KHDRBS2: variants seen among roughly 807,000 people sequenced by gnomAD.
KHDRBS2 encodes KH RNA binding domain containing, signal transduction associated 2.
In KHDRBS2, 26 loss-of-function variants were observed where a neutral mutation model predicts 44.3. The ratio of observed to expected loss-of-function variants is 0.59; its 90% confidence interval spans 0.43 to 0.81. KHDRBS2 has a LOEUF of 0.81. Among genes scored for constraint, KHDRBS2 ranks in the 40% least tolerant of loss-of-function variants. The probability of loss-of-function intolerance (pLI) is 0.00; values close to 1 mark genes in which losing one functional copy is unlikely to be tolerated. For synonymous variants in KHDRBS2, 194 were observed against 151.1 expected, an observed-to-expected ratio of 1.28 and a Z score of -2.08; for missense variants, 476 against 433.1, an observed-to-expected ratio of 1.10 and a Z score of -0.88.
intron 6 of KHDRBS2, among the ~76,000 whole-genome samples, chr6:61,815,697 T>G (rs1211898938): frequency 6.6e-6 from 1 of 152,164 alleles, no homozygotes; most frequent in African/African-American, 2.4e-5. Flanking sequence ...AATATTTTTG[T>G]CCTTGCTTTT....
intron 3 of KHDRBS2, among the ~76,000 whole-genome samples, chr6:62,034,140 CCAA>C (rs1259198594): frequency 2.0e-5 from 3 of 151,718 alleles, no homozygotes; most frequent in East Asian, 1.9e-4. Context: ...CCTAAAAAGA[CCAA>C]CAACAAGTAA....
chr6:61,552,994 G>A, the KHDRBS2 span, among the ~76,000 whole-genome samples: 1 of 152,092 alleles, frequency 6.6e-6, no homozygotes, highest in Non-Finnish European at 1.5e-5. Flanking sequence ...CAGGGTTTTG[G>A]TATCAGGATG....
intron 3 of KHDRBS2, among the ~76,000 whole-genome samples, chr6:62,001,105 C>A (rs765207421): frequency 6.6e-6 from 1 of 152,114 alleles, no homozygotes; most frequent in South Asian, 2.1e-4. Context: ...TAGCTTCTTA[C>A]GTTCTGGTCA....
chr6:61,640,577 C>T, the KHDRBS2 span, among the ~76,000 whole-genome samples: 1 of 152,038 alleles, frequency 6.6e-6, no homozygotes, highest in African/African-American at 2.4e-5. Flanking sequence ...TCTCTAAGGA[C>T]CCATCATTGT....
intron 6 of KHDRBS2, among the ~76,000 whole-genome samples, chr6:61,775,125 A>T (rs887783137): frequency 6.6e-6 from 1 of 152,174 alleles, no homozygotes; most frequent in Non-Finnish European, 1.5e-5. Flanking sequence ...TAAATTAGGT[A>T]TGGATGGGAT....
intron 4 of KHDRBS2, among the ~76,000 whole-genome samples, chr6:61,974,909 C>T (rs558238216): frequency 2.1e-4 from 32 of 149,676 alleles, no homozygotes; most frequent in East Asian, 1.6e-3. Flanking sequence ...CCAGCCTGGG[C>T]GACATAGCAA....
At chr6:62,071,245 T>C (rs1051783365) in intron 2 of KHDRBS2, among the ~76,000 whole-genome samples, 1 of 152,188 alleles carries the variant, frequency 6.6e-6, no homozygotes, top group African/African-American at 2.4e-5. Context: ...TATTAGCCCT[T>C]TGTCAGATGA....
chr6:61,749,089 T>C (rs1777281119), intron 6 of KHDRBS2, among the ~76,000 whole-genome samples: 1 of 142,876 alleles, frequency 7.0e-6, no homozygotes, highest in South Asian at 2.3e-4. Context: ...CTCGGCTCAC[T>C]GCAAACTCCG....
chr6:61,551,351 CA>C, the KHDRBS2 span, among the ~76,000 whole-genome samples: 1 of 152,086 alleles, frequency 6.6e-6, no homozygotes, highest in Non-Finnish European at 1.5e-5. Context: ...TTCTGCTGTA[CA>C]GAAGCTCTTT....
At chr6:61,707,831 T>C (rs1035078745) in intron 7 of KHDRBS2, among the ~76,000 whole-genome samples, 1 of 151,676 alleles carries the variant, frequency 6.6e-6, no homozygotes, top group Non-Finnish European at 1.5e-5. Context: ...GTATGATACA[T>C]CCAGTCATAA....
intron 4 of KHDRBS2, among the ~76,000 whole-genome samples, chr6:61,906,544 C>A (rs1413865040): frequency 6.6e-6 from 1 of 152,230 alleles, no homozygotes; most frequent in East Asian, 1.9e-4. Flanking sequence ...ACTTCCCCCC[C>A]TCCTTCCCAC....
At chr6:61,545,862 AG>A in the KHDRBS2 span, among the ~76,000 whole-genome samples, 1 of 152,060 alleles carries the variant, frequency 6.6e-6, no homozygotes, top group East Asian at 1.9e-4. Flanking sequence ...GCCTGCACCA[AG>A]GAAAAGCCAG....
At chr6:61,627,896 C>CA in the KHDRBS2 span, among the ~76,000 whole-genome samples, 1 of 152,196 alleles carries the variant, frequency 6.6e-6, no homozygotes, top group African/African-American at 2.4e-5. Flanking sequence ...GTGAGAACCT[C>CA]AAAAAACATA....
intron 2 of KHDRBS2, among the ~76,000 whole-genome samples, chr6:62,065,531 G>A (rs920254638): frequency 6.7e-6 from 1 of 148,804 alleles, no homozygotes; most frequent in Non-Finnish European, 1.5e-5. Context: ...ACTATCGCAA[G>A]AACAAAAAAC....
chr6:62,115,712 A>G (rs1243774225), intron 2 of KHDRBS2, among the ~76,000 whole-genome samples: 1 of 152,176 alleles, frequency 6.6e-6, no homozygotes, highest in Non-Finnish European at 1.5e-5. Context: ...TAATTAACAG[A>G]GATCAAATTT....
intron 4 of KHDRBS2, among the ~76,000 whole-genome samples, chr6:61,976,258 G>A (rs982316145): frequency 6.6e-6 from 1 of 152,106 alleles, no homozygotes; most frequent in African/African-American, 2.4e-5. Context: ...TATTGTGCTA[G>A]GCATGATGCT....
chr6:62,116,714 C>G (rs751214313), intron 2 of KHDRBS2, among the ~76,000 whole-genome samples: 2 of 152,096 alleles, frequency 1.3e-5, no homozygotes, highest in Admixed American at 6.6e-5. Flanking sequence ...TTTCTTCTAT[C>G]TAACCATATA....
At chr6:62,037,107 A>C (rs1354228202) in intron 3 of KHDRBS2, among the ~76,000 whole-genome samples, 1 of 151,944 alleles carries the variant, frequency 6.6e-6, no homozygotes, top group Non-Finnish European at 1.5e-5. Flanking sequence ...TGATAATAAT[A>C]ATCATCATAA....
chr6:61,585,250 G>C, the KHDRBS2 span, among the ~76,000 whole-genome samples: 1 of 151,876 alleles, frequency 6.6e-6, no homozygotes, highest in East Asian at 1.9e-4. Context: ...CCATCAGACA[G>C]AGCTGTGGTT....
Sources: gnomAD v4.1 joint callset for allele counts (sites outside exome capture counted in the v4.1 genomes callset) on GRCh38, gnomAD v4.1.1 for gene constraint, MANE v1.5 for transcripts, NCBI Gene and HGNC (gene_info 2026-07-23, HGNC 2026-07-21) for gene names.